The following UBE2E1 variants were observed in gnomAD, a reference collection of about 807,000 sequenced individuals.
UBE2E1 encodes ubiquitin-conjugating enzyme E2 E1.
In UBE2E1, 6 loss-of-function variants were observed where a neutral mutation model predicts 21.4. That is an observed-to-expected ratio of 0.28 (90% CI 0.15 to 0.55). The LOEUF is 0.55. UBE2E1 is among the 20% of genes least tolerant of loss of function. The probability of loss-of-function intolerance (pLI) is 0.93; values close to 1 mark genes in which losing one functional copy is unlikely to be tolerated. For synonymous variants in UBE2E1, 87 were observed against 82.7 expected, an observed-to-expected ratio of 1.05 and a Z score of -0.28; for missense variants, 142 against 236.5, an observed-to-expected ratio of 0.60 and a Z score of 2.62.
At chr3:23,847,588 A>G (rs1177130086) in intron 3 of UBE2E1, among the ~76,000 whole-genome samples, 2 of 136,642 alleles carry the variant, frequency 1.5e-5, no homozygotes, top group African/African-American at 2.8e-5. Flanking sequence ...TCCGTCTCCC[A>G]GGTTCATGCC....
At chr3:23,831,277 C>T (rs1299742112) in intron 3 of UBE2E1, among the ~76,000 whole-genome samples, 1 of 152,158 alleles carries the variant, frequency 6.6e-6, no homozygotes, top group Non-Finnish European at 1.5e-5. Flanking sequence ...TCCAAGTGCG[C>T]TTTATTTTTT....
chr3:23,888,407 A>T (rs1321008475), intron 4 of UBE2E1: 2 of 353,744 alleles, frequency 5.7e-6, no homozygotes, highest in Non-Finnish European at 1.1e-5. Flanking sequence ...TCACTTTTTT[A>T]AAAAATTGGT....
intron 3 of UBE2E1, among the ~76,000 whole-genome samples, chr3:23,829,606 T>G (rs2125292700): frequency 6.6e-6 from 1 of 151,928 alleles, no homozygotes; most frequent in East Asian, 1.9e-4. Flanking sequence ...TACCTGCCCC[T>G]CTCCTGGAAA....
intron 3 of UBE2E1, among the ~76,000 whole-genome samples, chr3:23,827,767 A>G (rs2125291368): frequency 6.6e-6 from 1 of 152,292 alleles, no homozygotes; most frequent in South Asian, 2.1e-4. Context: ...ATCTACCTCT[A>G]CTTGTTCTCC....
At chr3:23,874,008 T>C (rs1452308143) in intron 3 of UBE2E1, among the ~76,000 whole-genome samples, 1 of 152,216 alleles carries the variant, frequency 6.6e-6, no homozygotes, top group Non-Finnish European at 1.5e-5. Flanking sequence ...TGTAGCAAGT[T>C]ATTGAAGTCT....
chr3:23,887,753 G>T lies in UBE2E1; in HGVS notation c.336+54G>T. Reference sequence around the variant, plus strand: ...TACTAATTCCCACAAGAGAGCAACTGTTGAGGTTTTTCTAAATTTAATTTT... The same window carrying T: ...TACTAATTCCCACAAGAGAGCAACTTTTGAGGTTTTTCTAAATTTAATTTT... On this transcript the variant is annotated intron_variant, in intron 4 of 5. Coordinates refer to ENST00000306627, the MANE Select transcript of UBE2E1 (RefSeq NM_003341.5). The surrounding 1 kb of genome is among the most constrained non-coding windows in gnomAD (Gnocchi z 4.4). 2 of 1,552,812 alleles carry T rather than the reference G, an allele frequency of 1.3e-6. No individual in the cohort carries two copies. Among genetic ancestry groups the T allele is most frequent in the Non-Finnish European group, 1.7e-6 (2 of 1,156,210 alleles).
chr3:23,807,346 C>T lies in UBE2E1; in HGVS notation c.77C>T (p.Thr26Ile), dbSNP rs1293360539. 3.7e-6 allele frequency: 6 copies of T among 1,613,870 alleles called. No homozygotes were observed. The African/African-American group carries it at 4.0e-5, about 11-fold the overall frequency. The change falls in exon 2 of 6, where the codon ACA (threonine) becomes ATA (isoleucine). Residue 26 changes from threonine (T) to isoleucine (I), a missense_variant. This residue lies in a region of UBE2E1 where 55 missense variants were observed against 51.5 expected (regional missense o/e 1.07). Transcript: ENST00000306627. The part of the protein sequence containing the change: ...SSSNQQTEKE[T>I]NTPKKKESKV... ...TCCAACCAGCAAACCGAGAAAGAAA[C>T]AAACACCCCCAAGAAGAAGGAGAGT...
intron 4 of UBE2E1, among the ~76,000 whole-genome samples, chr3:23,888,777 A>G (rs1045110181): frequency 6.6e-5 from 10 of 152,350 alleles, no homozygotes; most frequent in Middle Eastern, 3.4e-3. Context: ...TTTAAAGCTT[A>G]CTTTGAGGCA....
intron 2 of UBE2E1, among the ~76,000 whole-genome samples, chr3:23,809,087 A>G (rs1220582044): frequency 6.6e-6 from 1 of 152,200 alleles, no homozygotes; most frequent in Non-Finnish European, 1.5e-5. Flanking sequence ...GTTCTGGAAA[A>G]GAGATGATAG....
intron 3 of UBE2E1, among the ~76,000 whole-genome samples, chr3:23,866,738 T>G (rs1700665727): frequency 1.3e-5 from 2 of 152,258 alleles, no homozygotes; most frequent in African/African-American, 4.8e-5. Context: ...CCTAATTGAT[T>G]TCTGCAAATA....
At chr3:23,885,734 C>G (rs1575043160) in intron 3 of UBE2E1, among the ~76,000 whole-genome samples, 1 of 152,076 alleles carries the variant, frequency 6.6e-6, no homozygotes, top group Non-Finnish European at 1.5e-5. Flanking sequence ...ATGGCGCATG[C>G]CTGTAGTCCC....
intron 3 of UBE2E1, among the ~76,000 whole-genome samples, chr3:23,837,318 A>T (rs1559481161): frequency 6.6e-6 from 1 of 152,238 alleles, no homozygotes; most frequent in Non-Finnish European, 1.5e-5. Context: ...ATTAAAATAC[A>T]GGAGTCTGAG....
chr3:23,813,603 C>T (rs1172218053), intron 3 of UBE2E1, among the ~76,000 whole-genome samples: 1 of 152,044 alleles, frequency 6.6e-6, no homozygotes, highest in East Asian at 1.9e-4. Context: ...AGTGCAGTGG[C>T]ATGATTTCGG....
Position 23,815,016 on chromosome 3 carries a change from G to A in UBE2E1, c.203+3506G>A, listed in dbSNP as rs114535332. Among the ~76,000 whole-genome samples, 511 of 152,118 alleles carry A rather than the reference G, an allele frequency of 3.4e-3. 2 individuals carry two copies. The highest frequency in any genetic ancestry group is 0.011 in the African/African-American group (477 of 41,510). On this transcript the variant is annotated intron_variant, in intron 3 of 5. Coordinates refer to ENST00000306627, the MANE Select transcript of UBE2E1 (RefSeq NM_003341.5). ...TTTCTCACTTTTTTTTTGAGACAGGGTCTCATTTTGTCACCCAGGCTGGAG... is the reference window on the plus strand; with the variant it reads ...TTTCTCACTTTTTTTTTGAGACAGGATCTCATTTTGTCACCCAGGCTGGAG...
Position 23,887,424 on chromosome 3 carries a change from A to G in UBE2E1, c.204-143A>G. On this transcript the variant is annotated intron_variant, in intron 3 of 5. Transcript: ENST00000306627. The surrounding 1 kb of genome is among the most constrained non-coding windows in gnomAD (Gnocchi z 4.4). The stretch of plus-strand genomic sequence containing the variant: ...GGCTATGGGTTTGTTGCAGTTCTGC[A>G]TCCGTTTCTGTACTTGTTTTGTAAA... 5 of 1,162,054 alleles carry G rather than the reference A, an allele frequency of 4.3e-6. No individual in the cohort carries two copies. Among genetic ancestry groups the G allele is most frequent in the Middle Eastern group, 2.5e-4 (1 of 4,056 alleles). 72.0% of individuals were successfully genotyped at this position (1,162,054 alleles called of 1,614,324 possible). A position where few individuals can be genotyped will look rare whatever the true frequency, so the allele number is the denominator to read the frequency against.
At chr3:23,837,921 C>T (rs1180278917) in intron 3 of UBE2E1, among the ~76,000 whole-genome samples, 2 of 152,128 alleles carry the variant, frequency 1.3e-5, no homozygotes, top group African/African-American at 4.8e-5. Flanking sequence ...TTCTGCTTGT[C>T]CACTAATCTG....
intron 3 of UBE2E1, among the ~76,000 whole-genome samples, chr3:23,833,952 TGTAC>T (rs1384668570): frequency 6.6e-6 from 1 of 152,026 alleles, no homozygotes; most frequent in Non-Finnish European, 1.5e-5. Flanking sequence ...CAGCCGTGTT[TGTAC>T]CACTGCACTC....
chr3:23,819,019 T>G (rs532436375), intron 3 of UBE2E1, among the ~76,000 whole-genome samples: 24 of 152,268 alleles, frequency 1.6e-4, no homozygotes, highest in South Asian at 1.5e-3. Context: ...GCACGGTGGC[T>G]TACGCCTGTA....
intron 3 of UBE2E1, among the ~76,000 whole-genome samples, chr3:23,825,630 A>T (rs188130463): frequency 9.8e-5 from 15 of 152,286 alleles, no homozygotes; most frequent in Non-Finnish European, 1.6e-4. Context: ...ACATTGGGGA[A>T]ATGACCCTGA....
Sources: allele counts gnomAD v4.1 joint callset (sites outside exome capture counted in the v4.1 genomes callset), GRCh38; gene constraint gnomAD v4.1.1; regional missense constraint gnomAD v4.1.1; non-coding constraint Gnocchi (gnomAD v3.1); transcripts MANE v1.5; gene names NCBI Gene and HGNC (gene_info 2026-07-23, HGNC 2026-07-21).